The following MLF1 variants were observed in gnomAD, a reference collection of about 807,000 sequenced individuals.
MLF1 encodes the protein myelodysplasia-myeloid leukemia factor 1.
MLF1 carries 37 observed loss-of-function variants against 38.3 expected under a neutral mutation model. The ratio of observed to expected loss-of-function variants is 0.96; its 90% CI spans 0.74 to 1.27. MLF1 has a LOEUF of 1.27. MLF1 is among the 50% of genes most tolerant of loss of function. The probability of loss-of-function intolerance (pLI) is 0.00; values close to 1 mark genes in which losing one functional copy is unlikely to be tolerated. For missense variants in MLF1, 331 were observed against 349.2 expected, an observed-to-expected ratio of 0.95 and a Z score of 0.42; for synonymous variants, 95 against 106.5, an observed-to-expected ratio of 0.89 and a Z score of 0.66.
intron 1 of MLF1, among the ~76,000 whole-genome samples, chr3:158,580,330 A>G (rs1162891278): frequency 6.6e-6 from 1 of 150,746 alleles, no homozygotes; most frequent in Non-Finnish European, 1.5e-5. Flanking sequence ...GGAAAAAAAA[A>G]GTAGAGTGAT....
intron 1 of MLF1, among the ~76,000 whole-genome samples, chr3:158,585,598 G>A (rs1195713308): frequency 1.3e-5 from 2 of 152,150 alleles, no homozygotes; most frequent in African/African-American, 4.8e-5. Context: ...CAAAGAACCA[G>A]AGATACAGAA....
Position 158,605,720 on chromosome 3 carries a change from CTT to C in MLF1, c.*521_*522del, listed in dbSNP as rs1332738787. Reference sequence around the variant, plus strand: ...AATAAAGCAAAACTACACTAGTACTCTTTTATGAGAAAATAGTTACTATTTTG... The same window carrying C: ...AATAAAGCAAAACTACACTAGTACTCTTATGAGAAAATAGTTACTATTTTG... On this transcript the variant is annotated 3_prime_UTR_variant, in exon 8 of 8. Coordinates refer to ENST00000466246, the MANE Select transcript of MLF1 (RefSeq NM_001369783.1). 3 of 182,736 alleles carry C rather than the reference CTT, an allele frequency of 1.6e-5. No homozygotes were observed. Among genetic ancestry groups the C allele is most frequent in the Admixed American group, 6.3e-5 (1 of 15,984 alleles). The allele number at this position is 182,736 out of a possible 1,614,324, so 11.3% of individuals were successfully genotyped here.
chr3:158,584,781 A>G (rs902492375), intron 1 of MLF1, among the ~76,000 whole-genome samples: 1 of 151,796 alleles, frequency 6.6e-6, no homozygotes, highest in Non-Finnish European at 1.5e-5. Context: ...TCTGTACCAC[A>G]TTGCAAGAAG....
At chr3:158,603,567 G>A (rs1462711149) in intron 7 of MLF1, among the ~76,000 whole-genome samples, 7 of 152,130 alleles carry the variant, frequency 4.6e-5, no homozygotes, top group African/African-American at 1.7e-4. Context: ...TCTGGACATG[G>A]TGGCTCATAC....
At chr3:158,583,349 A>G (rs1454045141) in intron 1 of MLF1, among the ~76,000 whole-genome samples, 3 of 152,166 alleles carry the variant, frequency 2.0e-5, no homozygotes, top group Non-Finnish European at 4.4e-5. Context: ...AGAGGCCTCA[A>G]GAGAAATGAA....
At chr3:158,600,596 C>T (rs879856449) in intron 6 of MLF1, among the ~76,000 whole-genome samples, 4 of 151,316 alleles carry the variant, frequency 2.6e-5, no homozygotes, top group Non-Finnish European at 5.9e-5. Flanking sequence ...ACTTTTTTCT[C>T]AAATTATTAT....
intron 1 of MLF1, among the ~76,000 whole-genome samples, chr3:158,575,187 T>G (rs1715243824): frequency 6.6e-6 from 1 of 152,194 alleles, no homozygotes; most frequent in Non-Finnish European, 1.5e-5. Flanking sequence ...CTTTTTCAAA[T>G]GCAAGGAGCC....
chr3:158,584,844 C>G (rs1023899726), intron 1 of MLF1, among the ~76,000 whole-genome samples: 1 of 151,564 alleles, frequency 6.6e-6, no homozygotes, highest in African/African-American at 2.4e-5. Context: ...AGCTAATGAG[C>G]CTGAGCAACA....
intron 1 of MLF1, among the ~76,000 whole-genome samples, chr3:158,572,284 C>T (rs1469912391): frequency 9.4e-5 from 3 of 32,056 alleles, no homozygotes; most frequent in African/African-American, 4.2e-4. Context: ...GGTGGGGGGA[C>T]GGTTTGGGAG....
At chr3:158,574,762 A>G (rs866423180) in intron 1 of MLF1, among the ~76,000 whole-genome samples, 2 of 152,080 alleles carry the variant, frequency 1.3e-5, no homozygotes, top group South Asian at 2.1e-4. Flanking sequence ...TTTGTATTAC[A>G]TAAGCTCTGG....
At chr3:158,597,786 A>G (rs1276674547) in intron 4 of MLF1, among the ~76,000 whole-genome samples, 2 of 152,174 alleles carry the variant, frequency 1.3e-5, no homozygotes, top group Non-Finnish European at 2.9e-5. Context: ...AGCCACGAGC[A>G]CCCAAAGACT....
intron 1 of MLF1, among the ~76,000 whole-genome samples, chr3:158,584,418 A>G (rs988018657): frequency 6.6e-6 from 1 of 152,338 alleles, no homozygotes; most frequent in African/African-American, 2.4e-5. Flanking sequence ...CTGGAGGAAT[A>G]TATCAAAATC....
At chr3:158,603,173 A>G (rs1050175083) in intron 7 of MLF1, among the ~76,000 whole-genome samples, 1 of 152,218 alleles carries the variant, frequency 6.6e-6, no homozygotes, top group African/African-American at 2.4e-5. Flanking sequence ...CTAGTAAACT[A>G]TGCCTCAGAA....
intron 1 of MLF1, among the ~76,000 whole-genome samples, chr3:158,589,350 T>G: frequency 6.6e-6 from 1 of 152,136 alleles, no homozygotes. Flanking sequence ...TAGCTGGGAT[T>G]ACAGGCACCT....
At chr3:158,597,993 T>TA (rs1181711063) in intron 4 of MLF1, 87 bp from the exon 5 acceptor site, 29 of 1,372,334 alleles carry the variant, frequency 2.1e-5, no homozygotes, top group Non-Finnish European at 2.8e-5. Flanking sequence ...TAGTAGAACT[T>TA]ACAGCTAGTG....
At chr3:158,587,872 GC>G (rs1419850701) in intron 1 of MLF1, among the ~76,000 whole-genome samples, 1 of 152,194 alleles carries the variant, frequency 6.6e-6, no homozygotes, top group Non-Finnish European at 1.5e-5. Context: ...CTGGCGGCGT[GC>G]GCCTGTAGTC....
Position 158,580,988 on chromosome 3 carries a change from T to C in MLF1, c.47+9641T>C, listed in dbSNP as rs76687941. Among the ~76,000 whole-genome samples the C allele has an allele frequency of 7.5e-3, 1,138 of 152,186 alleles. 20 individuals are homozygous for C. The highest frequency in any genetic ancestry group is 0.026 in the African/African-American group (1,099 of 41,526). On this transcript the variant is annotated intron_variant, in intron 1 of 7. Transcript: ENST00000466246. ...CATGTAAGAAGCTTAAGGTTACCAC[T>C]TCACGCTAATAACAAATTAAAAACT... is the stretch of plus-strand genomic sequence containing the variant.
intron 7 of MLF1, among the ~76,000 whole-genome samples, chr3:158,603,506 G>C (rs2108660742): frequency 6.6e-6 from 1 of 152,276 alleles, no homozygotes; most frequent in South Asian, 2.1e-4. Flanking sequence ...TAGAATAGCT[G>C]AGAAAAATAA....
chr3:158,587,300 C>G (rs1314744675), intron 1 of MLF1, among the ~76,000 whole-genome samples: 1 of 152,158 alleles, frequency 6.6e-6, no homozygotes, highest in Non-Finnish European at 1.5e-5. Context: ...GGGAGCAGTG[C>G]TTTTTAACAT....
Sources: allele counts gnomAD v4.1 joint callset (sites outside exome capture counted in the v4.1 genomes callset), GRCh38; gene constraint gnomAD v4.1.1; transcripts MANE v1.5; gene names NCBI Gene and HGNC (gene_info 2026-07-23, HGNC 2026-07-21).